The following RCC1L variants were observed in gnomAD, a reference collection of about 807,000 sequenced individuals.
The protein encoded by RCC1L is RCC1 like.
In RCC1L, 46 loss-of-function variants were observed where a neutral mutation model predicts 58.6. That is an observed-to-expected ratio of 0.79 (90% CI 0.62 to 1.00). The LOEUF is 1.00. RCC1L is among the 50% of genes least tolerant of loss of function. RCC1L has a pLI of 0.00. For synonymous variants in RCC1L, 281 were observed against 262.9 expected (o/e 1.07, Z -0.67); for missense variants, 636 against 623.6 (o/e 1.02, Z -0.21).
Position 75,057,998 on chromosome 7 carries a change from A to C in RCC1L, c.970-382T>G. ...CATGGTGAAACCCTGTCTCTATTAAAAATACAAAAGTTAGCTGGGCGTGGT... is the reference window on the plus strand; with the variant it reads ...CATGGTGAAACCCTGTCTCTATTAACAATACAAAAGTTAGCTGGGCGTGGT... On this transcript the variant is annotated intron_variant, in intron 7 of 10. Coordinates refer to ENST00000610322, the MANE Select transcript of RCC1L (RefSeq NM_030798.5). 2 of 315,672 alleles carry C rather than the reference A, an allele frequency of 6.3e-6. 1 individual carries two copies. The highest frequency in any genetic ancestry group is 5.2e-5 in the South Asian group (2 of 38,230). 19.6% of individuals were successfully genotyped at this position (315,672 alleles called of 1,614,324 possible).
intron 5 of RCC1L, 102 bp from the exon 6 acceptor site, chr7:75,061,393 C>T (rs916394260): frequency 3.1e-6 from 3 of 954,864 alleles, no homozygotes; most frequent in Non-Finnish European, 5.2e-6. Flanking sequence ...CTCCTGGGCA[C>T]CTGGAGCATG....
At chr7:75,032,601 C>T (rs1805332845) in intron 10 of RCC1L, among the ~76,000 whole-genome samples, 1 of 152,228 alleles carries the variant, frequency 6.6e-6, no homozygotes, top group Admixed American at 6.5e-5. Flanking sequence ...TAGGCCCCAT[C>T]AGCCCCCATC....
At position 75,042,205 on chromosome 7, in the gene RCC1L, T is replaced by C. The variant is rs1363135279; in HGVS notation, c.*827A>G. 9.1e-6 allele frequency: 9 copies of C among 985,212 alleles called. No homozygotes were observed. Among genetic ancestry groups the C allele is most frequent in the African/African-American group, 1.7e-5 (1 of 57,194 alleles). The allele number at this position is 985,212 out of a possible 1,614,324, so 61.0% of individuals were successfully genotyped here. A position where few individuals can be genotyped will look rare whatever the true frequency, so the allele number is the denominator to read the frequency against. The stretch of plus-strand genomic sequence containing the variant: ...AGCTTAAAAACCAAAAGGCAGAAAA[T>C]AGACTTTATTCCAAGACAGATTTGT... On this transcript the variant is annotated 3_prime_UTR_variant, in exon 11 of 11. Coordinates refer to ENST00000610322, the MANE Select transcript of RCC1L (RefSeq NM_030798.5).
intron 10 of RCC1L, 67 bp downstream of exon 10, chr7:75,052,644 G>A (rs1161692644): frequency 1.4e-6 from 2 of 1,475,210 alleles, no homozygotes; most frequent in Non-Finnish European, 1.9e-6. Context: ...CACGCGAGGT[G>A]TCTGCAGTGA....
chr7:75,027,665 G>A, exon 11 of RCC1L: 2 of 315,050 alleles, frequency 6.3e-6, no homozygotes, highest in South Asian at 5.9e-5. Flanking sequence ...GGCTCTGCAG[G>A]GGTGGTCCCT....
intron 6 of RCC1L, among the ~76,000 whole-genome samples, chr7:75,059,254 C>T (rs1397436491): frequency 1.1e-4 from 17 of 148,976 alleles, no homozygotes; most frequent in African/African-American, 4.2e-4. Flanking sequence ...TGCTTAGTTG[C>T]ATGCTCATAC....
intron 1 of RCC1L, among the ~76,000 whole-genome samples, chr7:75,072,417 T>C (rs10229502): frequency 0.081 from 12,370 of 151,814 alleles, 1,655 homozygotes; most frequent in African/African-American, 0.28. Flanking sequence ...AGCAGTAGTA[T>C]AAGGCAGATG....
At chr7:75,067,359 T>C (rs1436133565) in intron 2 of RCC1L, among the ~76,000 whole-genome samples, 1 of 151,522 alleles carries the variant, frequency 6.6e-6, no homozygotes, top group Non-Finnish European at 1.5e-5. Context: ...GGCCGGGCAG[T>C]GGCTCATGCC....
chr7:75,050,001 C>T (rs1190976615), intron 10 of RCC1L, among the ~76,000 whole-genome samples: 1 of 152,200 alleles, frequency 6.6e-6, no homozygotes, highest in African/African-American at 2.4e-5. Flanking sequence ...GAGGCCACTC[C>T]GTGCACAAAC....
intron 2 of RCC1L, among the ~76,000 whole-genome samples, chr7:75,070,267 T>A (rs1410489474): frequency 2.6e-5 from 4 of 152,200 alleles, no homozygotes; most frequent in African/African-American, 7.2e-5. Context: ...TATGTAACCA[T>A]GTTCTTGAAC....
At chr7:75,034,381 C>T (rs888718315) in intron 10 of RCC1L, among the ~76,000 whole-genome samples, 14 of 152,068 alleles carry the variant, frequency 9.2e-5, no homozygotes, top group East Asian at 5.8e-4. Context: ...CCAAGCATGG[C>T]GGTGTGTGCC....
chr7:75,041,332 T>G (rs1554442244), downstream of RCC1L, among the ~76,000 whole-genome samples: 1 of 152,062 alleles, frequency 6.6e-6, no homozygotes, highest in Non-Finnish European at 1.5e-5. Context: ...TGCTTCTCAT[T>G]TTTCCCGTTT....
chr7:75,052,773 C>T lies in RCC1L; in HGVS notation c.1255G>A (p.Gly419Ser). ...LTNKGELFVW[G>S]KNIRGCLGIG... is the part of the protein sequence containing the mutation. ...CCCAGGCACCCTCGGATGTTCTTGC[C>T]CCATACAAACAGCTCTCCTTTGTCT... is the stretch of plus-strand genomic sequence containing the variant. Residue 419 changes from glycine (G) to serine (S), a missense_variant, in exon 10 of 11, where the codon GGC (glycine) becomes AGC (serine). Transcript: ENST00000610322. The T allele has an allele frequency of 6.2e-7, 1 of 1,613,254 alleles. No individual in the cohort carries two copies. The highest frequency in any genetic ancestry group is 8.5e-7 in the Non-Finnish European group (1 of 1,179,720).
rs1354478252 is a variant in RCC1L at position 75,058,689 on chromosome 7, T to C, written c.868A>G (p.Thr290Ala). ...LAGVNVIQVA[T>A]YGDCCLAVSA... The stretch of plus-strand genomic sequence containing the variant: ...ACGGCCAGGCAGCAATCACCGTAGG[T>C]GGCAACTTGGATAACGTTCACTCCC... The change falls in exon 7 of 11, where the codon ACC becomes GCC. Residue 290 changes from threonine (T) to alanine (A), a missense_variant. By Grantham distance (58) the Thr-to-Ala change is moderately conservative. Transcript: ENST00000610322. 6.2e-7 allele frequency: 1 copy of C among 1,613,858 alleles called. No homozygotes were observed. The highest frequency in any genetic ancestry group is 8.5e-7 in the Non-Finnish European group (1 of 1,179,872).
At chr7:75,038,837 G>C (rs930582474), downstream of RCC1L, among the ~76,000 whole-genome samples, 1 of 152,186 alleles carries the variant, frequency 6.6e-6, no homozygotes, top group African/African-American at 2.4e-5. Context: ...GAAGCCACCT[G>C]TGCCAGTGGC....
intron 3 of RCC1L, among the ~76,000 whole-genome samples, chr7:75,065,668 C>G (rs932729551): frequency 2.0e-5 from 3 of 152,304 alleles, no homozygotes; most frequent in Non-Finnish European, 4.4e-5. Flanking sequence ...ACTCTGAAAG[C>G]CCCCAACTAC....
intron 10 of RCC1L, among the ~76,000 whole-genome samples, chr7:75,033,760 A>G (rs981098554): frequency 2.0e-5 from 3 of 152,002 alleles, no homozygotes; most frequent in Non-Finnish European, 4.4e-5. Flanking sequence ...TCAGAGGCTG[A>G]GGCCAGAGGA....
rs587611055 is a variant in RCC1L, at chr7:75,049,808, G to A, written c.1317+2903C>T. Among the ~76,000 whole-genome samples the A allele has an allele frequency of 4.3e-3, 649 of 152,302 alleles. 3 individuals are homozygous for A. Among genetic ancestry groups the A allele is most frequent in the Non-Finnish European group, 5.7e-3 (391 of 68,012 alleles). On this transcript the variant is annotated intron_variant, in intron 10 of 10. Transcript: ENST00000610322. ...ATAGGAGGATCACTTGAACCTGGGAGACAGAGGCTGCAGTGAGCCGAGATC... is the reference window on the plus strand; with the variant it reads ...ATAGGAGGATCACTTGAACCTGGGAAACAGAGGCTGCAGTGAGCCGAGATC...
chr7:75,058,574 C>A lies in RCC1L; in HGVS notation c.969+14G>T. On this transcript the variant is annotated intron_variant, in intron 7 of 10. Coordinates refer to ENST00000610322, the MANE Select transcript of RCC1L (RefSeq NM_030798.5). ...TCCAAACCTCCCAGCACCACGCTGT[C>A]GGCGACTGCATACCTGTGTGGAGTC... 1 of 1,585,098 alleles carries A rather than the reference C, an allele frequency of 6.3e-7. No homozygotes were observed. Among genetic ancestry groups the A allele is most frequent in the South Asian group, 1.1e-5 (1 of 88,248 alleles).
Sources: allele counts gnomAD v4.1 joint callset (sites outside exome capture counted in the v4.1 genomes callset), GRCh38; gene constraint gnomAD v4.1.1; transcripts MANE v1.5; gene names NCBI Gene and HGNC (gene_info 2026-07-23, HGNC 2026-07-21).